The following SYT16 variants were observed in gnomAD, a reference collection of about 807,000 sequenced individuals.
SYT16 encodes the protein synaptotagmin 16.
A neutral mutation model predicts 61.4 loss-of-function variants in SYT16; 42 were observed. The ratio of observed to expected loss-of-function variants is 0.68; its 90% CI spans 0.53 to 0.89. The LOEUF is 0.89. Among genes scored for constraint, SYT16 ranks in the 40% least tolerant of loss-of-function variants. The pLI is 0.00. For synonymous variants in SYT16, 314 were observed against 302.3 expected (o/e 1.04, Z -0.40); for missense variants, 804 against 807.3 (o/e 1.00, Z 0.05).
intron 1 of SYT16, among the ~76,000 whole-genome samples, chr14:61,922,077 T>C (rs2049353709): frequency 1.3e-5 from 2 of 152,208 alleles, no homozygotes; most frequent in Admixed American, 1.3e-4. Flanking sequence ...AGGGCTCAAC[T>C]TAGTGCCTTG....
intron 1 of SYT16, among the ~76,000 whole-genome samples, chr14:61,919,102 A>T (rs1267153514): frequency 6.6e-6 from 1 of 152,122 alleles, no homozygotes; most frequent in African/African-American, 2.4e-5. Flanking sequence ...TCCAACAGGG[A>T]TATATTTTAA....
At chr14:61,833,727 T>TTTA (rs2046022418) in intron 1 of SYT16, among the ~76,000 whole-genome samples, 1 of 141,612 alleles carries the variant, frequency 7.1e-6, no homozygotes, top group African/African-American at 2.6e-5. Flanking sequence ...TTTTTTTTTT[T>TTTA]AAATTTAAAT....
intron 1 of SYT16, among the ~76,000 whole-genome samples, chr14:61,925,013 A>G (rs2049479387): frequency 6.6e-6 from 1 of 152,128 alleles, no homozygotes; most frequent in South Asian, 2.1e-4. Context: ...CTTGCATCTC[A>G]TTTGCCAATC....
At chr14:62,085,028 G>A (rs1002878181) in intron 7 of SYT16, among the ~76,000 whole-genome samples, 1 of 152,168 alleles carries the variant, frequency 6.6e-6, no homozygotes, top group South Asian at 2.1e-4. Context: ...GGCTTTCTAG[G>A]GGAACTGCCA....
chr14:62,076,123 T>C (rs980845959), intron 5 of SYT16, among the ~76,000 whole-genome samples: 18 of 152,206 alleles, frequency 1.2e-4, no homozygotes, highest in Admixed American at 6.5e-4. Context: ...ATTGAGCAGT[T>C]AATATATGCC....
intron 1 of SYT16, among the ~76,000 whole-genome samples, chr14:61,877,197 G>T (rs1486441292): frequency 3.3e-5 from 5 of 152,146 alleles, no homozygotes; most frequent in African/African-American, 4.8e-5. Flanking sequence ...CTGGGGACTG[G>T]CGGTGGTGGA....
At chr14:61,973,316 A>AAC (rs1432958713) in intron 2 of SYT16, among the ~76,000 whole-genome samples, 2 of 152,194 alleles carry the variant, frequency 1.3e-5, no homozygotes, top group African/African-American at 4.8e-5. Flanking sequence ...TTTTCCTAAT[A>AAC]ACATAGGTAA....
chr14:61,960,483 C>A lies in SYT16; in HGVS notation c.-324-9649C>A, dbSNP rs527383353. Among the ~76,000 whole-genome samples the A allele has an allele frequency of 7.9e-5, 12 of 152,174 alleles. No individual in the cohort carries two copies. The South Asian group carries it at 2.3e-3, about 29-fold the overall frequency. ...TGTCTATTGTGAATGGGATTTTGTT[C>A]TTGATTGGCTCTGAGCTTGGATATT... On this transcript the variant is annotated intron_variant, in intron 1 of 7. Coordinates refer to ENST00000683842, the MANE Select transcript of SYT16 (RefSeq NM_001367656.1).
chr14:61,996,605 T>A, intron 3 of SYT16, 63 bp downstream of exon 3: 1 of 1,512,902 alleles, frequency 6.6e-7, no homozygotes, highest in Non-Finnish European at 8.8e-7. Flanking sequence ...TTATTTTATT[T>A]TGACTTGTTT....
chr14:61,886,254 G>A (rs1019470963), intron 1 of SYT16, among the ~76,000 whole-genome samples: 1 of 151,692 alleles, frequency 6.6e-6, no homozygotes, highest in Non-Finnish European at 1.5e-5. Flanking sequence ...GTGAGCCACC[G>A]CACCTGGCTG....
At chr14:61,916,032 G>A (rs1047912450) in intron 1 of SYT16, among the ~76,000 whole-genome samples, 1 of 152,134 alleles carries the variant, frequency 6.6e-6, no homozygotes, top group African/African-American at 2.4e-5. Context: ...GACATACTTT[G>A]ATTCTTTGCT....
intron 1 of SYT16, among the ~76,000 whole-genome samples, chr14:61,945,181 T>C (rs2050374288): frequency 6.6e-6 from 1 of 152,220 alleles, no homozygotes; most frequent in East Asian, 1.9e-4. Flanking sequence ...AAAACCACGG[T>C]GAGATACTAT....
chr14:61,840,212 T>A (rs961393781), intron 1 of SYT16, among the ~76,000 whole-genome samples: 4 of 152,202 alleles, frequency 2.6e-5, no homozygotes, highest in Non-Finnish European at 4.4e-5. Flanking sequence ...GAGGCCAAGA[T>A]AATGAATCAT....
intron 1 of SYT16, among the ~76,000 whole-genome samples, chr14:61,817,078 A>G (rs1345498087): frequency 2.6e-5 from 4 of 151,842 alleles, no homozygotes; most frequent in Non-Finnish European, 2.9e-5. Flanking sequence ...AAATGGGGGG[A>G]AAACCTGGAG....
intron 1 of SYT16, among the ~76,000 whole-genome samples, chr14:61,894,046 G>A (rs1265205876): frequency 1.3e-5 from 2 of 152,192 alleles, no homozygotes; most frequent in Non-Finnish European, 2.9e-5. Flanking sequence ...CACTTTGGGA[G>A]GCCAAGGCGG....
chr14:61,878,190 A>C (rs1038144006), intron 1 of SYT16, among the ~76,000 whole-genome samples: 4 of 152,218 alleles, frequency 2.6e-5, no homozygotes, highest in African/African-American at 9.6e-5. Context: ...ATCTTCACAA[A>C]GAAAAAAAGT....
chr14:61,858,120 C>CAAAAAAAAAAAAA (rs34781118), intron 1 of SYT16, among the ~76,000 whole-genome samples: 66 of 43,128 alleles, frequency 1.5e-3, no homozygotes, highest in African/African-American at 2.3e-3. Flanking sequence ...CACAGCTTGG[C>CAAAAAAAAAAAAA]AAAAAAAAAA....
At chr14:62,087,289 G>A (rs1030926773) in intron 7 of SYT16, among the ~76,000 whole-genome samples, 4 of 152,226 alleles carry the variant, frequency 2.6e-5, no homozygotes, top group Admixed American at 1.3e-4. Flanking sequence ...GGGGAAAGGC[G>A]GAGGCCGCAT....
chr14:62,012,225 A>T (rs2053497960), intron 3 of SYT16, among the ~76,000 whole-genome samples: 1 of 152,160 alleles, frequency 6.6e-6, no homozygotes, highest in Non-Finnish European at 1.5e-5. Context: ...GCTGGGCTGC[A>T]TCCTCATCTG....
Sources: allele counts gnomAD v4.1 joint callset (sites outside exome capture counted in the v4.1 genomes callset), GRCh38; gene constraint gnomAD v4.1.1; transcripts MANE v1.5; gene names NCBI Gene and HGNC (gene_info 2026-07-23, HGNC 2026-07-21).